The following SGCZ variants were observed in gnomAD, a reference collection of about 807,000 sequenced individuals.
SGCZ encodes the protein zeta-sarcoglycan.
Under a neutral mutation model 41.3 loss-of-function variants are expected in SGCZ, and 40 were observed. The observed-to-expected ratio is 0.97, with a 90% CI of 0.75 to 1.26. The LOEUF (loss-of-function observed/expected upper bound fraction) is 1.26. Ranked by LOEUF, SGCZ falls within the 50% of genes most tolerant of loss-of-function variation. The pLI is 0.00. For missense variants in SGCZ, 552 were observed against 369.8 expected, an observed-to-expected ratio of 1.49 and a Z score of -4.04; for synonymous variants, 206 against 137.5, an observed-to-expected ratio of 1.50 and a Z score of -3.49.
At chr8:14,826,119 C>G (rs73533102) in intron 1 of SGCZ, among the ~76,000 whole-genome samples, 3 of 137,404 alleles carry the variant, frequency 2.2e-5, no homozygotes, top group African/African-American at 8.1e-5. Flanking sequence ...AAGTGTGATG[C>G]TCCCCTTCCT....
intron 1 of SGCZ, among the ~76,000 whole-genome samples, chr8:14,662,796 G>A (rs966549141): frequency 6.6e-6 from 1 of 152,176 alleles, no homozygotes; most frequent in Non-Finnish European, 1.5e-5. Context: ...GTCCTTGGAA[G>A]TGGAAGAAGA....
intron 3 of SGCZ, among the ~76,000 whole-genome samples, chr8:14,318,680 T>C (rs1345503145): frequency 6.6e-6 from 1 of 151,888 alleles, no homozygotes; most frequent in Non-Finnish European, 1.5e-5. Flanking sequence ...GCACAAATCA[T>C]TTAGAAACAC....
chr8:14,340,056 C>T (rs753513532), intron 2 of SGCZ, among the ~76,000 whole-genome samples: 11 of 152,084 alleles, frequency 7.2e-5, no homozygotes, highest in South Asian at 2.1e-4. Context: ...ATCTTCTACA[C>T]GTGAAGTTAA....
intron 2 of SGCZ, among the ~76,000 whole-genome samples, chr8:14,531,121 G>T (rs187031108): frequency 6.6e-6 from 1 of 151,922 alleles, no homozygotes; most frequent in Non-Finnish European, 1.5e-5. Flanking sequence ...GATTAGTACC[G>T]GGATCTTCAC....
intron 1 of SGCZ, among the ~76,000 whole-genome samples, chr8:15,202,464 A>G (rs778006794): frequency 6.6e-6 from 1 of 152,190 alleles, no homozygotes; most frequent in African/African-American, 2.4e-5. Context: ...ACACAAAGGC[A>G]TAAGAACAGT....
intron 2 of SGCZ, among the ~76,000 whole-genome samples, chr8:14,408,781 T>C (rs1038983534): frequency 1.3e-5 from 2 of 152,116 alleles, no homozygotes; most frequent in African/African-American, 4.8e-5. Flanking sequence ...GAATTTAGGG[T>C]ATTCATAATT....
At chr8:14,430,675 G>A (rs1382049082) in intron 2 of SGCZ, among the ~76,000 whole-genome samples, 21 of 152,098 alleles carry the variant, frequency 1.4e-4, no homozygotes, top group Admixed American at 1.4e-3. Flanking sequence ...CTTCAACACA[G>A]TACTTGAAGT....
At chr8:14,669,689 T>C (rs1808039199) in intron 1 of SGCZ, among the ~76,000 whole-genome samples, 1 of 71,974 alleles carries the variant, frequency 1.4e-5, no homozygotes, top group African/African-American at 5.0e-5. Context: ...TTCCATTTTG[T>C]GTATACACAC....
intron 2 of SGCZ, among the ~76,000 whole-genome samples, chr8:14,335,467 C>T (rs1455569898): frequency 6.6e-6 from 1 of 152,040 alleles, no homozygotes; most frequent in Non-Finnish European, 1.5e-5. Context: ...GGTAATCACC[C>T]ATTTGGAAAA....
At chr8:14,212,984 T>C (rs1480684650) in intron 4 of SGCZ, among the ~76,000 whole-genome samples, 3 of 152,086 alleles carry the variant, frequency 2.0e-5, no homozygotes, top group Non-Finnish European at 1.5e-5. Flanking sequence ...ATGTAATCAA[T>C]GAGCATCAAG....
chr8:14,412,404 G>A (rs138815536), intron 2 of SGCZ, among the ~76,000 whole-genome samples: 13 of 152,150 alleles, frequency 8.5e-5, no homozygotes, highest in East Asian at 1.9e-4. Flanking sequence ...CTGGGTATGC[G>A]TACATTTGAA....
Position 15,100,408 on chromosome 8 carries a change from A to G in SGCZ, c.39+137177T>C, listed in dbSNP as rs182908193. On this transcript the variant is annotated intron_variant, in intron 1 of 7. Transcript: ENST00000382080. ...ATAAATCTAATGCAATATGTATGAA[A>G]CAGATATGAGGAAAACCGCAAAATA... 3.0e-3 allele frequency among the ~76,000 whole-genome samples: 452 copies of G among 152,178 alleles called. 2 individuals are homozygous for G. In the Middle Eastern group the frequency reaches 0.037, roughly 13 times the overall value.
intron 7 of SGCZ, among the ~76,000 whole-genome samples, chr8:14,092,447 T>C (rs1323070696): frequency 6.6e-6 from 1 of 152,022 alleles, no homozygotes; most frequent in Non-Finnish European, 1.5e-5. Flanking sequence ...CTCATAAAAG[T>C]GTGTGGACTT....
At chr8:15,029,807 C>A (rs1273306654) in intron 1 of SGCZ, among the ~76,000 whole-genome samples, 1 of 152,084 alleles carries the variant, frequency 6.6e-6, no homozygotes, top group African/African-American at 2.4e-5. Context: ...TTCAACACAG[C>A]AAAGCTATTA....
intron 1 of SGCZ, among the ~76,000 whole-genome samples, chr8:15,066,201 G>C (rs1411871354): frequency 6.6e-6 from 1 of 151,700 alleles, no homozygotes; most frequent in Admixed American, 6.6e-5. Flanking sequence ...CCAGCTACTG[G>C]GGAGGCTGAG....
At chr8:14,263,107 T>G (rs1563220539) in intron 3 of SGCZ, among the ~76,000 whole-genome samples, 1 of 152,212 alleles carries the variant, frequency 6.6e-6, no homozygotes. Context: ...CTATTTTGTG[T>G]TTAATGGAAG....
intron 2 of SGCZ, among the ~76,000 whole-genome samples, chr8:14,330,847 A>G (rs1802292781): frequency 6.6e-6 from 1 of 152,022 alleles, no homozygotes; most frequent in Non-Finnish European, 1.5e-5. Context: ...ATCGATTAAA[A>G]ATAGAGAAAA....
chr8:14,824,724 T>C (rs1802234731), intron 1 of SGCZ, among the ~76,000 whole-genome samples: 1 of 152,120 alleles, frequency 6.6e-6, no homozygotes, highest in Admixed American at 6.6e-5. Context: ...CTGCCTATGC[T>C]ACCTTGAGCT....
At chr8:15,201,342 G>C (rs1028618833) in intron 1 of SGCZ, among the ~76,000 whole-genome samples, 1 of 152,154 alleles carries the variant, frequency 6.6e-6, no homozygotes, top group Non-Finnish European at 1.5e-5. Context: ...GAGACAAGAA[G>C]AGAAGATACA....
Sources: allele counts gnomAD v4.1 joint callset (sites outside exome capture counted in the v4.1 genomes callset), GRCh38; gene constraint gnomAD v4.1.1; transcripts MANE v1.5; gene names NCBI Gene and HGNC (gene_info 2026-07-23, HGNC 2026-07-21).